Variants in CLIC3 observed in about 807,000 individuals in gnomAD.
The protein encoded by CLIC3 is chloride intracellular channel protein 3.
Under a neutral mutation model 19.9 loss-of-function variants are expected in CLIC3, and 29 were observed. The ratio of observed to expected loss-of-function variants is 1.46; its 90% CI spans 1.09 to 1.99. The LOEUF (loss-of-function observed/expected upper bound fraction) is 1.99, where lower values mean the gene tolerates loss of function less well. CLIC3 is among the 30% of genes most tolerant of loss of function. The pLI, the probability that CLIC3 is intolerant of heterozygous loss-of-function variation, is 0.00. For synonymous variants in CLIC3, 143 were observed against 156.4 expected, an observed-to-expected ratio of 0.91 and a Z score of 0.64; for missense variants, 365 against 342.6, an observed-to-expected ratio of 1.07 and a Z score of -0.52.
intron 2 of CLIC3, 35 bp downstream of exon 2, chr9:136,995,613 G>A (rs758632102): frequency 5.0e-6 from 8 of 1,609,592 alleles, no homozygotes; most frequent in Non-Finnish European, 6.8e-6. Context: ...ACCAGTGTGC[G>A]AGGCCAGGCG....
chr9:136,994,848 A>G lies in CLIC3; in HGVS notation c.553-9T>C. 1.3e-6 allele frequency: 2 copies of G among 1,540,808 alleles called. No homozygotes were observed. The highest frequency in any genetic ancestry group is 2.5e-5 in the East Asian group (1 of 40,618). ...AAGTGCGCGCACACCGTCTGCGGGC[A>G]GGATCGCGGGGCGCGGTCAGGACCT... On this transcript the variant is annotated splice_polypyrimidine_tract_variant and intron_variant, in intron 5 of 5. Transcript: ENST00000494426.
In CLIC3 at chr9:136,995,008, C is replaced by G. The variant is rs2131410049; in HGVS notation, c.474G>C (p.Glu158Asp). Residue 158 changes from glutamate to aspartate, a missense_variant, in exon 5 of 6, where the codon GAG becomes GAC. Physicochemically the swap from Glu to Asp is conservative, Grantham distance 45. Transcript: ENST00000494426. ...CGCCGTCCAGGAAGCGGCGGCGGGA[C>G]TCGCGCAGCTGCGGCTCCCCCGCCA... ...HELAGEPQLR[E>D]SRRRFLDGDR... The G allele has an allele frequency of 2.0e-6, 3 of 1,506,968 alleles. No homozygotes were observed. 93.3% of individuals were successfully genotyped at this position (1,506,968 alleles called of 1,614,324 possible). A position where few individuals can be genotyped will look rare whatever the true frequency, so the allele number is the denominator to read the frequency against.
Position 136,994,713 on chromosome 9 carries a change from C to T in CLIC3, c.679G>A (p.Ala227Thr). The change falls in exon 6 of 6, where the codon GCG becomes ACG. Residue 227 changes from alanine (A) to threonine (T), a missense_variant. Transcript: ENST00000494426. ...GGGTGCACGGCGGGCCGGTAGGCCG[C>T]CAGGATCTCGGCGCTGTGCGGACAC... The part of the protein sequence containing the change: ...YTCPHSAEIL[A>T]AYRPAVHPR 2.5e-6 allele frequency: 4 copies of T among 1,609,852 alleles called. No homozygotes were observed. The highest frequency in any genetic ancestry group is 3.4e-6 in the Non-Finnish European group (4 of 1,178,738).
intron 1 of CLIC3, 96 bp downstream of exon 1, chr9:136,996,415 T>C: frequency 8.6e-7 from 1 of 1,163,704 alleles, no homozygotes; most frequent in South Asian, 1.3e-5. Context: ...GCTCAGACAT[T>C]ACTGGGAGGC....
Position 136,994,837 on chromosome 9 carries a change from C to T in CLIC3, c.555G>A (p.Thr185=), listed in dbSNP as rs1270960873. 1.3e-6 allele frequency: 2 copies of T among 1,554,808 alleles called. No homozygotes were observed. The highest frequency in any genetic ancestry group is 8.7e-7 in the Non-Finnish European group (1 of 1,151,888). Reference sequence around the variant, plus strand: ...GCGCCTGGCGGAAGTGCGCGCACACCGTCTGCGGGCAGGATCGCGGGGCGC... The same window carrying T: ...GCGCCTGGCGGAAGTGCGCGCACACTGTCTGCGGGCAGGATCGCGGGGCGC... ...SLLPKLHIVD[T]VCAHFRQAPI... is the part of the protein sequence containing the mutation. The change falls in exon 6 of 6, where the codon ACG becomes ACA. Residue 185 remains threonine, a splice_region_variant and synonymous_variant. Coordinates refer to ENST00000494426, the MANE Select transcript of CLIC3 (RefSeq NM_004669.3).
At position 136,994,763 on chromosome 9, in the gene CLIC3, A is replaced by G. The variant is rs371198326; in HGVS notation, c.629T>C (p.Met210Thr). 5 of 1,604,318 alleles carry G rather than the reference A, an allele frequency of 3.1e-6. No individual in the cohort carries two copies. The highest frequency in any genetic ancestry group is 1.1e-5 in the South Asian group (1 of 89,700). ...RGVRRYLDSA[M>T]QEKEFKYTCP... ...CGTGTATTTGAACTCTTTCTCCTGC[A>G]TCGCGCTGTCCAGGTAGCGGCGTAC... The change falls in exon 6 of 6, where the codon ATG becomes ACG. Residue 210 changes from methionine (M) to threonine (T), a missense_variant. Transcript: ENST00000494426.
intron 1 of CLIC3, among the ~76,000 whole-genome samples, chr9:136,996,126 G>A (rs1830701522): frequency 6.6e-6 from 1 of 152,208 alleles, no homozygotes; most frequent in Non-Finnish European, 1.5e-5. Flanking sequence ...GTGGCCAACA[G>A]CACATCAGTC....
intron 2 of CLIC3, 40 bp downstream of exon 2, chr9:136,995,608 T>A (rs1830692235): frequency 6.2e-7 from 1 of 1,609,654 alleles, no homozygotes; most frequent in Non-Finnish European, 8.5e-7. Flanking sequence ...GGCCCACCAG[T>A]GTGCGAGGCC....
chr9:136,995,253 G>A lies in CLIC3; in HGVS notation c.309C>T (p.Thr103=), dbSNP rs146392559. ...ACTTGTGGAAAACGTCGTTGCCGGC[G>A]GTGTTGGACTCCCTGTAACGAGGCG... ...SLAPRYRESN[T]AGNDVFHKFS... The change falls in exon 4 of 6, where the codon ACC becomes ACT. Residue 103 remains threonine (T), a synonymous_variant. Transcript: ENST00000494426. 8.7e-5 allele frequency: 140 copies of A among 1,612,792 alleles called. No homozygotes were observed. In the East Asian group the frequency reaches 3.0e-3, roughly 34 times the overall value.
rs112943493 is a variant in CLIC3, at chr9:136,995,477, G to A, written c.234C>T (p.Ile78=). 8.0e-5 allele frequency: 129 copies of A among 1,612,588 alleles called. 1 individual carries two copies. In the African/African-American group the frequency reaches 1.1e-3, roughly 13 times the overall value. The change falls in exon 3 of 6, where the codon ATC becomes ATT. Residue 78 remains isoleucine, a synonymous_variant. Transcript: ENST00000494426. The stretch of plus-strand genomic sequence containing the variant: ...CCAGCGTCTCCTCCAGAAAGTCCTC[G>A]ATCTGCAGCGTGTCTGTCTTGGCGT... ...DSDAKTDTLQ[I]EDFLEETLGP...
Position 136,995,456 on chromosome 9 carries a change from C to A in CLIC3, c.255G>T (p.Thr85=). ...TLQIEDFLEE[T]LGPPDFPSLA... is the part of the protein sequence containing the mutation. ...GGGGCTCTCACTCGGGCGGCCCCAG[C>A]GTCTCCTCCAGAAAGTCCTCGATCT... Residue 85 remains threonine (T), a synonymous_variant, in exon 3 of 6, where the codon ACG becomes ACT. Transcript: ENST00000494426. 6.2e-7 allele frequency: 1 copy of A among 1,612,468 alleles called. No homozygotes were observed. The highest frequency in any genetic ancestry group is 1.1e-5 in the South Asian group (1 of 91,082).
At chr9:136,995,943 G>C (rs776516195) in intron 1 of CLIC3, among the ~76,000 whole-genome samples, 186 bp from the exon 2 acceptor site, 3 of 152,202 alleles carry the variant, frequency 2.0e-5, no homozygotes, top group Non-Finnish European at 2.9e-5. Context: ...AACGTGGGGA[G>C]GGGGGCAGAG....
intron 5 of CLIC3, 32 bp downstream of exon 5, chr9:136,994,898 C>T: frequency 2.7e-6 from 4 of 1,468,024 alleles, no homozygotes; most frequent in Non-Finnish European, 3.6e-6. Context: ...GCGCCGCGGT[C>T]ACCCTCCCGC....
Position 136,995,741 on chromosome 9 carries a change from T to TC in CLIC3, c.49dup (p.Glu17GlyfsTer52). ...GCAGGAGGGGCAGTGACCCACGCTC[T>TC]CCCCGTCCTCACTCGCCTGGGTGGG... On this transcript the variant is annotated frameshift_variant, in exon 2 of 6. Coordinates refer to ENST00000494426, the MANE Select transcript of CLIC3 (RefSeq NM_004669.3). LOFTEE classifies it high-confidence loss of function. The TC allele has an allele frequency of 6.8e-7, 1 of 1,467,826 alleles. No individual in the cohort carries two copies. Among genetic ancestry groups the TC allele is most frequent in the Non-Finnish European group, 9.2e-7 (1 of 1,083,800 alleles). The allele number at this position is 1,467,826 out of a possible 1,614,324, so 90.9% of individuals were successfully genotyped here.
chr9:136,995,598 G>A (rs1830692140), intron 2 of CLIC3, 31 bp from the exon 3 acceptor site: 6 of 1,610,182 alleles, frequency 3.7e-6, no homozygotes, highest in Admixed American at 1.7e-5. Flanking sequence ...GGAGGAGGCC[G>A]GCCCACCAGT....
intron 1 of CLIC3, among the ~76,000 whole-genome samples, chr9:136,996,032 G>A (rs886126377): frequency 1.1e-4 from 16 of 152,312 alleles, no homozygotes; most frequent in Middle Eastern, 3.4e-3. Context: ...AGGCCCCTGG[G>A]CTCAGTCCCC....
intron 5 of CLIC3, 33 bp downstream of exon 5, chr9:136,994,897 T>TCGG: frequency 2.0e-6 from 3 of 1,471,218 alleles, no homozygotes; most frequent in African/African-American, 1.5e-5. Flanking sequence ...CGCGCCGCGG[T>TCGG]CACCCTCCCG....
chr9:136,995,838 C>T, intron 1 of CLIC3, 81 bp from the exon 2 acceptor site: 2 of 957,724 alleles, frequency 2.1e-6, no homozygotes, highest in Non-Finnish European at 3.1e-6. Context: ...CGGGACCCGC[C>T]TCCCACTGCC....
chr9:136,996,205 C>T (rs908835), intron 1 of CLIC3, among the ~76,000 whole-genome samples: 3,148 of 152,244 alleles, frequency 0.021, 122 homozygotes, highest in African/African-American at 0.071. Flanking sequence ...CCTGGAACAC[C>T]GACCGTAAGC....
Sources: gnomAD v4.1 joint callset for allele counts (sites outside exome capture counted in the v4.1 genomes callset) on GRCh38, gnomAD v4.1.1 for gene constraint, MANE v1.5 for transcripts, NCBI Gene and HGNC (gene_info 2026-07-23, HGNC 2026-07-21) for gene names.